Variants in WDR12 observed in about 807,000 individuals in gnomAD.
WDR12 encodes WD repeat domain 12.
WDR12 carries 42 observed loss-of-function variants against 64.3 expected under a neutral mutation model. The observed-to-expected ratio is 0.65, with a 90% CI of 0.51 to 0.84. The LOEUF (loss-of-function observed/expected upper bound fraction) is 0.84. Among genes scored for constraint, WDR12 ranks in the 40% least tolerant of loss-of-function variants. The pLI is 0.00. For synonymous variants in WDR12, 158 were observed against 173.3 expected (o/e 0.91, Z 0.70); for missense variants, 469 against 494.6 (o/e 0.95, Z 0.49).
rs1262902811 is a variant in WDR12, at chr2:202,883,653, A to G, written c.1077T>C (p.Ile359=). The change falls in exon 11 of 13, where the codon ATT becomes ATC. Residue 359 remains isoleucine (I), a synonymous_variant. Coordinates refer to ENST00000261015, the MANE Select transcript of WDR12 (RefSeq NM_018256.4). ...KWSPTHEQQL[I]SGSLDNIVKL... ...TAACAATGTTATCTAAAGATCCTGA[A>G]ATCAGCTGCTGTTCATGGGTAGGAG... 5 of 1,614,142 alleles carry G rather than the reference A, an allele frequency of 3.1e-6. No homozygotes were observed. In the Middle Eastern group the frequency reaches 4.9e-4, roughly 160 times the overall value.
chr2:202,884,579 G>C (rs760074886), intron 8 of WDR12, 44 bp from the exon 9 acceptor site: 2 of 1,566,150 alleles, frequency 1.3e-6, no homozygotes, highest in African/African-American at 1.4e-5. Flanking sequence ...TTTCATTACA[G>C]AATAATTGAA....
In WDR12 at chr2:202,883,635, G is replaced by GT. The variant is rs1330680893; in HGVS notation, c.1094dup (p.Asn365LysfsTer4). 1 of 1,613,770 alleles carries GT rather than the reference G, an allele frequency of 6.2e-7. No homozygotes were observed. Among genetic ancestry groups the GT allele is most frequent in the East Asian group, 2.2e-5 (1 of 44,890 alleles). On this transcript the variant is annotated frameshift_variant, in exon 11 of 13. Transcript: ENST00000261015. LOFTEE classifies it high-confidence loss of function. Reference sequence around the variant, plus strand: ...TTCTTGTATCCCACAGCTTAACAATGTTATCTAAAGATCCTGAAATCAGCT... The same window carrying GT: ...TTCTTGTATCCCACAGCTTAACAATGTTTATCTAAAGATCCTGAAATCAGCT...
rs1354759117 is a variant in WDR12, at chr2:202,879,970, G to C, written c.*890C>G. On this transcript the variant is annotated 3_prime_UTR_variant, in exon 13 of 13. Coordinates refer to ENST00000261015, the MANE Select transcript of WDR12 (RefSeq NM_018256.4). ...TTGGCCAGGGTGGTCTCAAACTCCT[G>C]ACCTCAGGTGATCCACCTGCCTCGG... 5 of 151,880 alleles carry C rather than the reference G, an allele frequency of 3.3e-5. No individual in the cohort carries two copies. Among genetic ancestry groups the C allele is most frequent in the Non-Finnish European group, 5.9e-5 (4 of 68,020 alleles). 9.4% of individuals were successfully genotyped at this position (151,880 alleles called of 1,614,324 possible).
At chr2:202,883,808 A>T in intron 10 of WDR12, 67 bp from the exon 11 acceptor site, 1 of 1,479,556 alleles carries the variant, frequency 6.8e-7, no homozygotes, top group Non-Finnish European at 8.9e-7. Flanking sequence ...GAACCCAAAA[A>T]ATATTTGTAG....
intron 3 of WDR12, 32 bp from the exon 4 acceptor site, chr2:202,899,669 G>C: frequency 6.3e-7 from 1 of 1,587,516 alleles, no homozygotes; most frequent in African/African-American, 1.3e-5. Context: ...AACAAGTCAG[G>C]TGGTCTAGTT....
At chr2:202,892,810 G>C in intron 7 of WDR12, 108 bp from the exon 8 acceptor site, 1 of 633,544 alleles carries the variant, frequency 1.6e-6, no homozygotes. Flanking sequence ...TTATCACACA[G>C]TTAGGGAATG....
At chr2:202,905,839 T>C (rs1688447444) in intron 2 of WDR12, among the ~76,000 whole-genome samples, 1 of 152,170 alleles carries the variant, frequency 6.6e-6, no homozygotes, top group Non-Finnish European at 1.5e-5. Context: ...CTCATGGAGA[T>C]ACAGAGTAGA....
At chr2:202,883,232 TTCGAGCG>T (rs1465649038) in intron 11 of WDR12, among the ~76,000 whole-genome samples, 1 of 152,124 alleles carries the variant, frequency 6.6e-6, no homozygotes, top group African/African-American at 2.4e-5. Context: ...GCCTCCTGGG[TTCGAGCG>T]ATTCTCCTGC....
At chr2:202,901,345 CA>C (rs1688345791) in intron 2 of WDR12, among the ~76,000 whole-genome samples, 1 of 152,130 alleles carries the variant, frequency 6.6e-6, no homozygotes, top group African/African-American at 2.4e-5. Context: ...CAAACATACA[CA>C]AAAGTAGAAA....
At chr2:202,897,906 A>ATATAGATAT (rs1201879973) in intron 4 of WDR12, among the ~76,000 whole-genome samples, 7 of 47,388 alleles carry the variant, frequency 1.5e-4, no homozygotes, top group Non-Finnish European at 3.1e-4. Context: ...AAAAAAAAAA[A>ATATAGATAT]AAATATATAT....
intron 4 of WDR12, among the ~76,000 whole-genome samples, chr2:202,897,924 TAAAAA>T (rs1160065096): frequency 0.038 from 4,613 of 122,092 alleles, 181 homozygotes; most frequent in Non-Finnish European, 0.063. Flanking sequence ...TATATATATA[TAAAAA>T]ATATATATCA....
intron 2 of WDR12, among the ~76,000 whole-genome samples, chr2:202,905,215 G>C (rs1425871904): frequency 6.6e-6 from 1 of 152,160 alleles, no homozygotes; most frequent in Non-Finnish European, 1.5e-5. Flanking sequence ...GCACGAGCTC[G>C]GCTCACTACA....
intron 8 of WDR12, among the ~76,000 whole-genome samples, chr2:202,891,880 A>G (rs1688162451): frequency 6.6e-6 from 1 of 152,232 alleles, no homozygotes; most frequent in South Asian, 2.1e-4. Context: ...ATGGAAGCAC[A>G]GAGTACAACA....
chr2:202,909,348 C>T (rs906649768), intron 1 of WDR12, among the ~76,000 whole-genome samples: 5 of 152,046 alleles, frequency 3.3e-5, no homozygotes, highest in African/African-American at 1.2e-4. Flanking sequence ...ATTATTTGGC[C>T]ACAAAAAGGA....
At chr2:202,903,471 G>GT (rs1400592803) in intron 2 of WDR12, among the ~76,000 whole-genome samples, 2 of 110,332 alleles carry the variant, frequency 1.8e-5, no homozygotes, top group Admixed American at 1.9e-4. Flanking sequence ...AAGGAAGGAA[G>GT]GAAGGAAGGA....
rs773890820 is a variant in WDR12 at position 202,875,813 on chromosome 2, A to G, written c.*5047T>C. 24 of 152,240 alleles carry G rather than the reference A, an allele frequency of 1.6e-4. No individual in the cohort carries two copies. The highest frequency in any genetic ancestry group is 3.3e-4 in the Admixed American group (5 of 15,284). 9.4% of individuals were successfully genotyped at this position (152,240 alleles called of 1,614,324 possible). On this transcript the variant is annotated 3_prime_UTR_variant, in exon 13 of 13. Coordinates refer to ENST00000261015, the MANE Select transcript of WDR12 (RefSeq NM_018256.4). ...TATACCAGTTAAGAGCTTGTCCAAG[A>G]TAAGTCCAAGTTCAAATTCACTGCC...
At chr2:202,891,672 A>G in intron 8 of WDR12, among the ~76,000 whole-genome samples, 1 of 152,320 alleles carries the variant, frequency 6.6e-6, no homozygotes, top group South Asian at 2.1e-4. Flanking sequence ...TTTATTGGTG[A>G]CTATAAGAAT....
At chr2:202,901,295 G>C (rs879395289) in intron 2 of WDR12, among the ~76,000 whole-genome samples, 176 bp from the exon 3 acceptor site, 2 of 152,062 alleles carry the variant, frequency 1.3e-5, no homozygotes, top group African/African-American at 4.8e-5. Flanking sequence ...TTTTACTGTT[G>C]TTGGTGTAAT....
At chr2:202,888,637 G>A (rs533655361) in intron 8 of WDR12, among the ~76,000 whole-genome samples, 49 of 152,292 alleles carry the variant, frequency 3.2e-4, no homozygotes, top group Admixed American at 9.2e-4. Context: ...TCAGGCAGTA[G>A]AAAGAAATGC....
Sources: gnomAD v4.1 joint callset for allele counts (sites outside exome capture counted in the v4.1 genomes callset) on GRCh38, gnomAD v4.1.1 for gene constraint, MANE v1.5 for transcripts, NCBI Gene and HGNC (gene_info 2026-07-23, HGNC 2026-07-21) for gene names.